Variants in RABGAP1 observed in about 807,000 individuals in gnomAD.
RABGAP1 encodes the protein rab GTPase-activating protein 1.
Under a neutral mutation model 137.6 loss-of-function variants are expected in RABGAP1, and 23 were observed. The observed-to-expected ratio is 0.17, with a 90% CI of 0.12 to 0.24. The LOEUF is 0.24. Among genes scored for constraint, RABGAP1 ranks in the 10% least tolerant of loss-of-function variants. RABGAP1 has a pLI of 1.00. For missense variants in RABGAP1, 906 were observed against 1,275.8 expected, an observed-to-expected ratio of 0.71 and a Z score of 4.42; for synonymous variants, 451 against 450.7, an observed-to-expected ratio of 1.00 and a Z score of -0.01.
At chr9:123,014,572 C>T (rs547191371) in intron 11 of RABGAP1, among the ~76,000 whole-genome samples, 4 of 151,464 alleles carry the variant, frequency 2.6e-5, no homozygotes, top group African/African-American at 7.3e-5. Context: ...CGTATTTTGC[C>T]GTATCATTTG....
At chr9:123,038,393 G>T (rs1292311562) in intron 13 of RABGAP1, among the ~76,000 whole-genome samples, 3 of 151,982 alleles carry the variant, frequency 2.0e-5, no homozygotes, top group Non-Finnish European at 2.9e-5. Flanking sequence ...TAAATGCATT[G>T]CCCACCTCCT....
chr9:122,948,057 A>G (rs1258081794), intron 1 of RABGAP1, among the ~76,000 whole-genome samples: 1 of 149,440 alleles, frequency 6.7e-6, no homozygotes, highest in Non-Finnish European at 1.5e-5. Flanking sequence ...ACACACACAC[A>G]CACACACACA....
intron 13 of RABGAP1, chr9:123,062,095 C>A (rs1360559602): frequency 6.6e-6 from 1 of 152,144 alleles, no homozygotes. Context: ...TGGAGAAAAC[C>A]CGTCTCTACT....
chr9:122,981,980 C>A (rs780086401), intron 2 of RABGAP1, among the ~76,000 whole-genome samples: 77 of 149,870 alleles, frequency 5.1e-4, no homozygotes, highest in Middle Eastern at 6.9e-3. Flanking sequence ...ACCTGGGAGG[C>A]AGAGGTTGCA....
chr9:123,075,971 G>A (rs990869578), intron 17 of RABGAP1, among the ~76,000 whole-genome samples: 1 of 152,100 alleles, frequency 6.6e-6, no homozygotes, highest in Non-Finnish European at 1.5e-5. Flanking sequence ...CTGATCTTTT[G>A]GTTTGGAAGC....
Position 122,996,527 on chromosome 9 carries a change from C to CT in RABGAP1, c.1035-5dup. On this transcript the variant is annotated splice_polypyrimidine_tract_variant and intron_variant, in intron 7 of 25. Coordinates refer to ENST00000373647, the MANE Select transcript of RABGAP1 (RefSeq NM_012197.4). The stretch of plus-strand genomic sequence containing the variant: ...CTTTTTTCTTAAATTTATGTCAGTT[C>CT]TTTTTTTGTAGGTGTTTTGGTCTTC... 6 of 1,594,458 alleles carry CT rather than the reference C, an allele frequency of 3.8e-6. No homozygotes were observed. Among genetic ancestry groups the CT allele is most frequent in the Admixed American group, 1.8e-5 (1 of 56,210 alleles).
rs546049189 is a variant in RABGAP1 at position 123,075,630 on chromosome 9, C to A, written c.2254-615C>A. On this transcript the variant is annotated intron_variant, in intron 17 of 25. Coordinates refer to ENST00000373647, the MANE Select transcript of RABGAP1 (RefSeq NM_012197.4). Reference sequence around the variant, plus strand: ...TCTAGCTTTTTAGTAGTATAAACAACCATCTGTTAAGTAGCTACTAAAGGC... The same window carrying A: ...TCTAGCTTTTTAGTAGTATAAACAAACATCTGTTAAGTAGCTACTAAAGGC... Among the ~76,000 whole-genome samples the A allele has an allele frequency of 9.4e-4, 143 of 152,278 alleles. 1 individual carries two copies. The highest frequency in any genetic ancestry group is 3.3e-3 in the African/African-American group (136 of 41,546).
At chr9:123,029,536 G>A (rs1588297059) in intron 13 of RABGAP1, 1 of 789,234 alleles carries the variant, frequency 1.3e-6, no homozygotes, top group East Asian at 2.5e-5. Flanking sequence ...GTCTCTTAGA[G>A]ACCACAACTG....
intron 14 of RABGAP1, 180 bp downstream of exon 14, chr9:123,065,641 A>C: frequency 1.8e-6 from 1 of 565,052 alleles, no homozygotes. Context: ...AGTAGAAAAT[A>C]ATAAGAAATA....
chr9:123,035,520 C>G, intron 13 of RABGAP1: 1 of 1,614,014 alleles, frequency 6.2e-7, no homozygotes, highest in Non-Finnish European at 8.5e-7. Flanking sequence ...TAAAGCGCCT[C>G]TCAGGGGCTA....
intron 19 of RABGAP1, among the ~76,000 whole-genome samples, chr9:123,080,528 G>A (rs1421657649): frequency 6.6e-6 from 1 of 152,138 alleles, no homozygotes; most frequent in African/African-American, 2.4e-5. Context: ...AATTTTAAGA[G>A]AGATACACAC....
At chr9:122,970,461 T>C (rs2131681648) in intron 2 of RABGAP1, among the ~76,000 whole-genome samples, 1 of 152,296 alleles carries the variant, frequency 6.6e-6, no homozygotes, top group Non-Finnish European at 1.5e-5. Context: ...GAAATGTTTT[T>C]TTAAACTTTT....
At chr9:122,983,206 T>A (rs1409234576) in intron 2 of RABGAP1, among the ~76,000 whole-genome samples, 1 of 151,290 alleles carries the variant, frequency 6.6e-6, no homozygotes, top group African/African-American at 2.4e-5. Context: ...GCAGAACTTC[T>A]AAAAAAAGAA....
chr9:122,942,181 A>G (rs191310634), intron 1 of RABGAP1, among the ~76,000 whole-genome samples: 3 of 152,370 alleles, frequency 2.0e-5, no homozygotes, highest in Admixed American at 2.0e-4. Context: ...AACAAAACAA[A>G]ACAAAAAAAC....
At chr9:123,043,212 T>A (rs2033036919) in intron 13 of RABGAP1, among the ~76,000 whole-genome samples, 1 of 152,102 alleles carries the variant, frequency 6.6e-6, no homozygotes, top group Non-Finnish European at 1.5e-5. Flanking sequence ...AATAAAGAGA[T>A]ACAGAATCCA....
chr9:122,990,014 A>G (rs748009823), intron 5 of RABGAP1, 42 bp from the exon 6 acceptor site: 13 of 1,502,246 alleles, frequency 8.7e-6, no homozygotes, highest in Non-Finnish European at 1.0e-5. Flanking sequence ...GGTATTTTAT[A>G]TCTTTTGATA....
intron 2 of RABGAP1, among the ~76,000 whole-genome samples, chr9:122,963,256 TTATTGAAGATTATAA>T (rs1834948016): frequency 6.6e-6 from 1 of 151,980 alleles, no homozygotes; most frequent in African/African-American, 2.4e-5. Flanking sequence ...TAAAAAAAAA[TTATTGAAGATTATAA>T]TATACTGCTT....
chr9:123,096,071 T>C (rs959882301), intron 21 of RABGAP1, among the ~76,000 whole-genome samples: 2 of 152,210 alleles, frequency 1.3e-5, no homozygotes, highest in African/African-American at 2.4e-5. Flanking sequence ...TTAGGCCAAA[T>C]TGGTTGATAG....
At chr9:123,033,172 T>A (rs1026606173) in intron 13 of RABGAP1, among the ~76,000 whole-genome samples, 1 of 152,204 alleles carries the variant, frequency 6.6e-6, no homozygotes, top group African/African-American at 2.4e-5. Flanking sequence ...TAGCTAGAAC[T>A]TCTTGTGCAG....
Sources: gnomAD v4.1 joint callset for allele counts (sites outside exome capture counted in the v4.1 genomes callset) on GRCh38, gnomAD v4.1.1 for gene constraint, MANE v1.5 for transcripts, NCBI Gene and HGNC (gene_info 2026-07-23, HGNC 2026-07-21) for gene names.